Variants in USP10 observed in about 807,000 individuals in gnomAD.
USP10 encodes ubiquitin specific peptidase 10, also known as ubiquitin carboxyl-terminal hydrolase 10.
Under a neutral mutation model 84.5 loss-of-function variants are expected in USP10, and 22 were observed. That is an observed-to-expected ratio of 0.26 (90% confidence interval 0.19 to 0.37). USP10 has a LOEUF of 0.37. Among genes scored for constraint, USP10 ranks in the 10% least tolerant of loss-of-function variants. The pLI is 1.00. For missense variants in USP10, 1,019 were observed against 998.9 expected (o/e 1.02, Z -0.27); for synonymous variants, 454 against 387.6 (o/e 1.17, Z -2.01).
rs768574872 is a variant in USP10 at position 84,759,887 on chromosome 16, T to C, written c.1395-4T>C. Reference sequence around the variant, plus strand: ...ACTATTTAACATTTTTTCCCCATGTTTAGTGTTCGGCTAATGAATGAGTTC... The same window carrying C: ...ACTATTTAACATTTTTTCCCCATGTCTAGTGTTCGGCTAATGAATGAGTTC... On this transcript the variant is annotated splice_region_variant and splice_polypyrimidine_tract_variant and intron_variant, in intron 6 of 13. Coordinates refer to ENST00000219473, the MANE Select transcript of USP10 (RefSeq NM_005153.3). 1.2e-6 allele frequency: 2 copies of C among 1,613,886 alleles called. No individual in the cohort carries two copies. Among genetic ancestry groups the C allele is most frequent in the East Asian group, 4.5e-5 (2 of 44,874 alleles).
intron 4 of USP10, among the ~76,000 whole-genome samples, chr16:84,751,119 G>C (rs537022473): frequency 6.6e-6 from 1 of 152,204 alleles, no homozygotes; most frequent in Non-Finnish European, 1.5e-5. Context: ...ACAATTTCTA[G>C]TGACCAGTGA....
Position 84,744,922 on chromosome 16 carries a change from G to A in USP10, c.441G>A (p.Arg147=). 1 of 1,613,732 alleles carries A rather than the reference G, an allele frequency of 6.2e-7. No homozygotes were observed. Among genetic ancestry groups the A allele is most frequent in the Non-Finnish European group, 8.5e-7 (1 of 1,179,712 alleles). Reference sequence around the variant, plus strand: ...GTGTCTCAGGTGGTCTTGGACAAAGGGAGCGTAAAAAGAAGAAAAAGCGGC... The same window carrying A: ...GTGTCTCAGGTGGTCTTGGACAAAGAGAGCGTAAAAAGAAGAAAAAGCGGC... ...NDGVSGGLGQ[R]ERKKKKKRPP... The change falls in exon 4 of 14, where the codon AGG becomes AGA. Residue 147 remains arginine, a synonymous_variant. Transcript: ENST00000219473.
At chr16:84,758,334 C>T (rs1048294596) in intron 4 of USP10, among the ~76,000 whole-genome samples, 1 of 152,124 alleles carries the variant, frequency 6.6e-6, no homozygotes, top group African/African-American at 2.4e-5. Flanking sequence ...TCTGAGGCGC[C>T]TTGCTGCTGA....
chr16:84,727,567 C>T (rs2150788982), intron 1 of USP10, among the ~76,000 whole-genome samples: 1 of 152,320 alleles, frequency 6.6e-6, no homozygotes, highest in East Asian at 1.9e-4. Flanking sequence ...CCAGATGGTC[C>T]TTTACCCAGA....
intron 2 of USP10, among the ~76,000 whole-genome samples, chr16:84,736,622 C>T (rs547556364): frequency 2.6e-5 from 4 of 152,334 alleles, no homozygotes; most frequent in South Asian, 4.1e-4. Context: ...AGAGAAAATG[C>T]TCACCATTCT....
At chr16:84,731,348 A>G (rs941562845) in intron 1 of USP10, among the ~76,000 whole-genome samples, 5 of 151,730 alleles carry the variant, frequency 3.3e-5, no homozygotes, top group Non-Finnish European at 4.4e-5. Context: ...TGCACAGAGT[A>G]GCCACGTTTC....
chr16:84,774,930 G>A (rs561546828), intron 12 of USP10, among the ~76,000 whole-genome samples: 44 of 152,252 alleles, frequency 2.9e-4, no homozygotes, highest in African/African-American at 9.1e-4. Flanking sequence ...AGCCTCGGCC[G>A]TTGCTCCTGT....
In USP10 at chr16:84,779,169, T is replaced by G; in HGVS notation, c.*87T>G. On this transcript the variant is annotated 3_prime_UTR_variant, in exon 14 of 14. Transcript: ENST00000219473. ...TTCCCGCCTCTCTTTAGTGGCTCTTTAGAGAGAAACTCTTTCTCCCTTTGC... is the reference window on the plus strand; with the variant it reads ...TTCCCGCCTCTCTTTAGTGGCTCTTGAGAGAGAAACTCTTTCTCCCTTTGC... 9 of 1,474,090 alleles carry G rather than the reference T, an allele frequency of 6.1e-6. No individual in the cohort carries two copies. The South Asian group carries it at 1.1e-4, about 18-fold the overall frequency. The allele number at this position is 1,474,090 out of a possible 1,614,324, so 91.3% of individuals were successfully genotyped here.
chr16:84,742,135 GAT>G (rs1567619576), intron 3 of USP10, among the ~76,000 whole-genome samples: 1 of 152,124 alleles, frequency 6.6e-6, no homozygotes, highest in African/African-American at 2.4e-5. Flanking sequence ...GGGTACATGA[GAT>G]ATTTTCATAC....
At chr16:84,755,883 T>A (rs796749151) in intron 4 of USP10, among the ~76,000 whole-genome samples, 55 of 152,124 alleles carry the variant, frequency 3.6e-4, no homozygotes, top group African/African-American at 1.3e-3. Flanking sequence ...TTTACTAACA[T>A]CTCTAAAACT....
intron 1 of USP10, among the ~76,000 whole-genome samples, chr16:84,720,576 A>ATTTTTCTT (rs1907652365): frequency 1.1e-5 from 1 of 88,340 alleles, no homozygotes; most frequent in African/African-American, 4.7e-5. Flanking sequence ...ATGATGCCCA[A>ATTTTTCTT]TTTTTTTTTT....
chr16:84,758,605 G>A (rs1019903707), intron 4 of USP10, 111 bp from the exon 5 acceptor site: 7 of 761,236 alleles, frequency 9.2e-6, no homozygotes, highest in African/African-American at 3.4e-5. Context: ...TTGGCTGTGT[G>A]TTTTACTGAA....
At position 84,778,976 on chromosome 16, in the gene USP10, G is replaced by T. The variant is rs773044842; in HGVS notation, c.2291G>T (p.Arg764Leu). ...CAGATCGGTCTGAATGGCTGGCTGC[G>T]CATCGATGACCAGACAGTCAAGGTG... ...VFQIGLNGWL[R>L]IDDQTVKVIN... The change falls in exon 14 of 14, where the codon CGC becomes CTC. Residue 764 changes from arginine to leucine, a missense_variant. By Grantham distance (102) the Arg-to-Leu change is moderately radical. This residue lies in a region of USP10 where 232 missense variants were observed against 290.1 expected (regional missense o/e 0.80). Coordinates refer to ENST00000219473, the MANE Select transcript of USP10 (RefSeq NM_005153.3). The T allele has an allele frequency of 1.2e-6, 2 of 1,613,900 alleles. No homozygotes were observed. The highest frequency in any genetic ancestry group is 1.7e-6 in the Non-Finnish European group (2 of 1,179,898).
intron 4 of USP10, among the ~76,000 whole-genome samples, chr16:84,750,487 A>G (rs1911800840): frequency 6.6e-6 from 1 of 151,948 alleles, no homozygotes; most frequent in Admixed American, 6.6e-5. Flanking sequence ...AAGAGTGAGT[A>G]TGGCAGACAC....
At chr16:84,701,991 G>GCTGTGGTTATTAACCTATAAA (rs1457601785) in intron 1 of USP10, among the ~76,000 whole-genome samples, 2 of 131,284 alleles carry the variant, frequency 1.5e-5, no homozygotes, top group African/African-American at 5.7e-5. Flanking sequence ...AGGCTGGAGT[G>GCTGTGGTTATTAACCTATAAA]CTGTGGTTAT....
chr16:84,725,443 G>A (rs1413997196), intron 1 of USP10, among the ~76,000 whole-genome samples: 1 of 151,388 alleles, frequency 6.6e-6, no homozygotes, highest in Non-Finnish European at 1.5e-5. Flanking sequence ...CTTGTTACCC[G>A]GGCTGGAGTG....
intron 9 of USP10, among the ~76,000 whole-genome samples, chr16:84,763,433 G>C (rs1030755891): frequency 4.6e-5 from 7 of 152,038 alleles, no homozygotes; most frequent in African/African-American, 1.7e-4. Context: ...TGTCTTATCT[G>C]TCCATCCATA....
intron 4 of USP10, among the ~76,000 whole-genome samples, chr16:84,751,436 A>G (rs1206174263): frequency 6.6e-6 from 1 of 152,230 alleles, no homozygotes; most frequent in Non-Finnish European, 1.5e-5. Flanking sequence ...ACTCTGAAGT[A>G]CACAGGCAGT....
chr16:84,762,914 TG>T (rs1913375799), intron 8 of USP10, 74 bp from the exon 9 acceptor site: 1 of 843,586 alleles, frequency 1.2e-6, no homozygotes, highest in African/African-American at 1.7e-5. Context: ...GGTTGGACTT[TG>T]CAAGTACTGC....
Sources: gnomAD v4.1 joint callset for allele counts (sites outside exome capture counted in the v4.1 genomes callset) on GRCh38, gnomAD v4.1.1 for gene constraint, gnomAD v4.1.1 regional missense constraint, MANE v1.5 for transcripts, NCBI Gene and HGNC (gene_info 2026-07-23, HGNC 2026-07-21) for gene names.